CYSLTR2: variants seen among roughly 807,000 people sequenced by gnomAD.
CYSLTR2 encodes G-protein coupled receptor GPCR21.
For missense variants in CYSLTR2, 398 were observed against 411.9 expected (o/e 0.97, Z 0.29); for synonymous variants, 179 against 160.8 (o/e 1.11, Z -0.86).
At chr13:48,706,591 CA>C in intron 4 of CYSLTR2, 1 of 469,088 alleles carries the variant, frequency 2.1e-6, no homozygotes, top group South Asian at 3.0e-5. Flanking sequence ...TTCAACCAAA[CA>C]AATTAATGGC....
chr13:48,654,189 T>C (rs944328608), intron 1 of CYSLTR2, among the ~76,000 whole-genome samples, 172 bp downstream of exon 1: 1 of 151,892 alleles, frequency 6.6e-6, no homozygotes, highest in Admixed American at 6.6e-5. Context: ...AGTATAAAAA[T>C]GTTGAAAGAA....
At chr13:48,698,394 AC>A (rs1954252304) in intron 4 of CYSLTR2, among the ~76,000 whole-genome samples, 2 of 152,228 alleles carry the variant, frequency 1.3e-5, no homozygotes, top group Non-Finnish European at 2.9e-5. Context: ...AGAATTTTCA[AC>A]CCAGAATTTC....
At chr13:48,694,635 G>T (rs1954120826) in intron 3 of CYSLTR2, 1 of 152,178 alleles carries the variant, frequency 6.6e-6, no homozygotes, top group African/African-American at 2.4e-5. Context: ...GACTTTTGAA[G>T]AATCTTGTGA....
At chr13:48,656,556 T>G (rs1483932307) in intron 1 of CYSLTR2, among the ~76,000 whole-genome samples, 3 of 152,222 alleles carry the variant, frequency 2.0e-5, no homozygotes, top group African/African-American at 7.2e-5. Context: ...TTTCATTCAT[T>G]ATATCACTCT....
At chr13:48,659,943 A>C (rs1953088469) in intron 1 of CYSLTR2, among the ~76,000 whole-genome samples, 1 of 152,232 alleles carries the variant, frequency 6.6e-6, no homozygotes, top group Non-Finnish European at 1.5e-5. Flanking sequence ...GAGCTGAGGA[A>C]AGTTTTGAGA....
At position 48,707,751 on chromosome 13, in the gene CYSLTR2, T is replaced by A; in HGVS notation, c.934T>A (p.Phe312Ile). The change falls in exon 5 of 5, where the codon TTT becomes ATT. Residue 312 changes from phenylalanine to isoleucine, a missense_variant. Phe to Ile is a conservative substitution (Grantham distance 21). Coordinates refer to ENST00000682523, the MANE Select transcript of CYSLTR2 (RefSeq NM_001308476.3). Reference sequence around the variant, plus strand: ...GCTCTATTACTTTGCTGGGGAGAATTTTAAGGACAGACTAAAGTCTGCACT... The same window carrying A: ...GCTCTATTACTTTGCTGGGGAGAATATTAAGGACAGACTAAAGTCTGCACT... The part of the protein sequence containing the change: ...PLLYYFAGEN[F>I]KDRLKSALRK... 1 of 1,604,930 alleles carries A rather than the reference T, an allele frequency of 6.2e-7. No homozygotes were observed. Among genetic ancestry groups the A allele is most frequent in the South Asian group, 1.1e-5 (1 of 89,736 alleles).
intron 1 of CYSLTR2, among the ~76,000 whole-genome samples, chr13:48,664,523 G>T (rs967457004): frequency 6.6e-6 from 1 of 151,838 alleles, no homozygotes; most frequent in Non-Finnish European, 1.5e-5. Context: ...GCTTATCCAG[G>T]TTCTGTTTTC....
At chr13:48,658,832 C>A (rs1483856526) in intron 1 of CYSLTR2, among the ~76,000 whole-genome samples, 1 of 151,942 alleles carries the variant, frequency 6.6e-6, no homozygotes, top group Non-Finnish European at 1.5e-5. Flanking sequence ...ACAACAAGAT[C>A]AATACTATGA....
In CYSLTR2 at chr13:48,701,404, T is replaced by A. The variant is rs147285365; in HGVS notation, c.-2+4778T>A. ...GGGAAAGGATTCCCTATTTAATAAATGGTGCTGGGAAAACTGGCTAGCCAT... is the reference window on the plus strand; with the variant it reads ...GGGAAAGGATTCCCTATTTAATAAAAGGTGCTGGGAAAACTGGCTAGCCAT... On this transcript the variant is annotated intron_variant, in intron 4 of 4. Transcript: ENST00000682523. Among the ~76,000 whole-genome samples the A allele has an allele frequency of 6.8e-3, 1,032 of 152,302 alleles. 10 individuals are homozygous for A. The highest frequency in any genetic ancestry group is 0.023 in the African/African-American group (960 of 41,554).
intron 1 of CYSLTR2, among the ~76,000 whole-genome samples, chr13:48,682,877 C>T (rs1274328097): frequency 6.6e-6 from 1 of 152,094 alleles, no homozygotes; most frequent in African/African-American, 2.4e-5. Context: ...TCTCCCTTCT[C>T]CCACCATCCA....
intron 4 of CYSLTR2, among the ~76,000 whole-genome samples, chr13:48,705,011 T>C (rs1954444471): frequency 6.6e-6 from 1 of 152,200 alleles, no homozygotes; most frequent in African/African-American, 2.4e-5. Flanking sequence ...TTTTTGTCTA[T>C]TTGCTTCATC....
At position 48,708,579 on chromosome 13, in the gene CYSLTR2, GA is replaced by G. The variant is rs1398662032; in HGVS notation, c.*723del. 7.2e-5 allele frequency: 12 copies of G among 167,070 alleles called. No individual in the cohort carries two copies. The highest frequency in any genetic ancestry group is 3.9e-4 in the Admixed American group (6 of 15,284). The allele number at this position is 167,070 out of a possible 1,614,324, so 10.3% of individuals were successfully genotyped here. On this transcript the variant is annotated 3_prime_UTR_variant, in exon 5 of 5. Transcript: ENST00000682523. ...TGGGGCATTGCCCTAGGAAATGAAA[GA>G]ATTGTGTATAGAATGGAAGGGGGAT...
At chr13:48,661,609 C>A (rs1019141171) in intron 1 of CYSLTR2, among the ~76,000 whole-genome samples, 1 of 152,136 alleles carries the variant, frequency 6.6e-6, no homozygotes, top group African/African-American at 2.4e-5. Context: ...ATAACTGAGG[C>A]TCAGAGAAGA....
intron 4 of CYSLTR2, among the ~76,000 whole-genome samples, chr13:48,705,201 G>A (rs1444392542): frequency 2.6e-5 from 4 of 152,048 alleles, no homozygotes; most frequent in African/African-American, 9.7e-5. Context: ...AATGTCATTT[G>A]CTTTGAAGTC....
At chr13:48,674,599 C>G (rs1171156334) in intron 1 of CYSLTR2, among the ~76,000 whole-genome samples, 1 of 152,220 alleles carries the variant, frequency 6.6e-6, no homozygotes. Flanking sequence ...TTGTTGTTAC[C>G]CACCTTCTGA....
At chr13:48,706,236 T>C (rs146648703) in intron 4 of CYSLTR2, among the ~76,000 whole-genome samples, 1,997 of 152,228 alleles carry the variant, frequency 0.013, 49 homozygotes, top group African/African-American at 0.045. Context: ...CCTCAGGTGA[T>C]CTGCCAGCCT....
At position 48,681,142 on chromosome 13, in the gene CYSLTR2, T is replaced by C. The variant is rs117088189; in HGVS notation, c.-265-10070T>C. On this transcript the variant is annotated intron_variant, in intron 1 of 4. Transcript: ENST00000682523. Reference sequence around the variant, plus strand: ...CTATCACTCCCATTTCCCATTCCCATGTAGCCCCCTGTGGGGCCTAAAACC... The same window carrying C: ...CTATCACTCCCATTTCCCATTCCCACGTAGCCCCCTGTGGGGCCTAAAACC... Among the ~76,000 whole-genome samples the C allele has an allele frequency of 8.7e-3, 1,320 of 152,170 alleles. 14 individuals are homozygous for C. The highest frequency in any genetic ancestry group is 0.013 in the Non-Finnish European group (862 of 67,996).
chr13:48,676,028 T>A (rs977812547), intron 1 of CYSLTR2, among the ~76,000 whole-genome samples: 3 of 152,192 alleles, frequency 2.0e-5, no homozygotes, highest in Admixed American at 2.0e-4. Context: ...CAGTTGGAAA[T>A]GCAGAAATCA....
At chr13:48,661,463 T>A (rs1953126949) in intron 1 of CYSLTR2, among the ~76,000 whole-genome samples, 1 of 152,200 alleles carries the variant, frequency 6.6e-6, no homozygotes, top group Non-Finnish European at 1.5e-5. Flanking sequence ...ATATATTTAC[T>A]AGTGCCCTGC....
Sources: gnomAD v4.1 joint callset for allele counts (sites outside exome capture counted in the v4.1 genomes callset) on GRCh38, gnomAD v4.1.1 for gene constraint, MANE v1.5 for transcripts, NCBI Gene and HGNC (gene_info 2026-07-23, HGNC 2026-07-21) for gene names.